Variants in TBC1D32 observed in about 807,000 individuals in gnomAD.
TBC1D32 encodes the protein TBC1 domain family member 32, also known as protein broad-minded.
Under a neutral mutation model 170.3 loss-of-function variants are expected in TBC1D32, and 151 were observed. That is an observed-to-expected ratio of 0.89 (90% CI 0.78 to 1.01). The LOEUF (loss-of-function observed/expected upper bound fraction) is 1.01. Ranked by LOEUF, TBC1D32 falls within the 50% of genes least tolerant of loss-of-function variation. The pLI is 0.00. For synonymous variants in TBC1D32, 498 were observed against 488.0 expected, an observed-to-expected ratio of 1.02 and a Z score of -0.27; for missense variants, 1,464 against 1,457.1, an observed-to-expected ratio of 1.00 and a Z score of -0.08.
At chr6:121,189,606 C>G (rs1789674204) in intron 22 of TBC1D32, among the ~76,000 whole-genome samples, 1 of 151,882 alleles carries the variant, frequency 6.6e-6, no homozygotes. Flanking sequence ...TCTAGAGCCC[C>G]AAGTAGTTTA....
intron 30 of TBC1D32, among the ~76,000 whole-genome samples, chr6:121,103,606 G>C (rs1193633087): frequency 2.1e-5 from 2 of 95,374 alleles, no homozygotes; most frequent in Non-Finnish European, 3.9e-5. Context: ...AGGGGGGAGG[G>C]ATAGCTTTAG....
chr6:121,323,710 C>T (rs929585015), intron 1 of TBC1D32, among the ~76,000 whole-genome samples: 6 of 152,164 alleles, frequency 3.9e-5, no homozygotes, highest in Non-Finnish European at 7.3e-5. Flanking sequence ...GGGAGGCCAA[C>T]GTGGGCGGAT....
chr6:121,213,524 T>TAAAATAAAATAAATA (rs371151560), intron 21 of TBC1D32, among the ~76,000 whole-genome samples: 45 of 31,186 alleles, frequency 1.4e-3, no homozygotes, highest in African/African-American at 3.8e-3. Flanking sequence ...TAAAATAAAA[T>TAAAATAAAATAAATA]AAATAAAATA....
At chr6:121,288,138 G>A (rs1482679826) in intron 12 of TBC1D32, among the ~76,000 whole-genome samples, 1 of 152,096 alleles carries the variant, frequency 6.6e-6, no homozygotes, top group African/African-American at 2.4e-5. Flanking sequence ...CAGAAGGCAA[G>A]AAATAACTAA....
intron 1 of TBC1D32, among the ~76,000 whole-genome samples, chr6:121,322,477 C>T (rs911046757): frequency 1.3e-5 from 2 of 152,154 alleles, no homozygotes; most frequent in African/African-American, 2.4e-5. Flanking sequence ...TACCACCACT[C>T]GTATAGATTG....
chr6:121,249,345 C>G (rs1447358133), intron 17 of TBC1D32, among the ~76,000 whole-genome samples: 1 of 151,754 alleles, frequency 6.6e-6, no homozygotes, highest in Non-Finnish European at 1.5e-5. Flanking sequence ...CAGAACAAAC[C>G]CACAGCCAAC....
intron 21 of TBC1D32, 100 bp from the exon 22 acceptor site, chr6:121,205,263 C>A: frequency 1.8e-6 from 1 of 559,238 alleles, no homozygotes; most frequent in Non-Finnish European, 3.1e-6. Flanking sequence ...TCAAATTTGC[C>A]TTTACAAGGA....
intron 29 of TBC1D32, among the ~76,000 whole-genome samples, chr6:121,111,830 G>A (rs1779236156): frequency 6.6e-6 from 1 of 152,004 alleles, no homozygotes; most frequent in South Asian, 2.1e-4. Flanking sequence ...TGACTGTCAT[G>A]TGATTTCACT....
chr6:121,280,100 A>G (rs1172369789), intron 14 of TBC1D32, among the ~76,000 whole-genome samples: 1 of 151,924 alleles, frequency 6.6e-6, no homozygotes, highest in African/African-American at 2.4e-5. Flanking sequence ...TTTAGCATGA[A>G]TAGCACTATT....
At chr6:121,308,307 T>C (rs985319449) in intron 4 of TBC1D32, among the ~76,000 whole-genome samples, 5 of 151,544 alleles carry the variant, frequency 3.3e-5, no homozygotes, top group African/African-American at 1.2e-4. Context: ...TTGCTGTTTG[T>C]GTAAAGCAAA....
intron 31 of TBC1D32, among the ~76,000 whole-genome samples, chr6:121,089,854 G>A (rs1392568277): frequency 6.6e-6 from 1 of 151,758 alleles, no homozygotes; most frequent in Non-Finnish European, 1.5e-5. Context: ...GATGAATGTT[G>A]TTTTTAGTGT....
intron 12 of TBC1D32, among the ~76,000 whole-genome samples, chr6:121,286,177 A>C (rs1803791455): frequency 2.0e-5 from 3 of 152,280 alleles, no homozygotes; most frequent in Non-Finnish European, 4.4e-5. Context: ...CCTTCAGAAG[A>C]TCAAACTACT....
At chr6:121,125,716 C>T (rs1450406444) in intron 26 of TBC1D32, among the ~76,000 whole-genome samples, 1 of 152,152 alleles carries the variant, frequency 6.6e-6, no homozygotes, top group East Asian at 1.9e-4. Context: ...AGAGCTGATA[C>T]TAGTACCCTA....
At chr6:121,148,353 C>T (rs1783751492) in intron 24 of TBC1D32, among the ~76,000 whole-genome samples, 1 of 152,080 alleles carries the variant, frequency 6.6e-6, no homozygotes, top group African/African-American at 2.4e-5. Context: ...CCATGGTGTA[C>T]ATATGCCACA....
At chr6:121,223,515 T>C (rs1474797568) in intron 20 of TBC1D32, among the ~76,000 whole-genome samples, 163 bp from the exon 21 acceptor site, 1 of 152,168 alleles carries the variant, frequency 6.6e-6, no homozygotes, top group Non-Finnish European at 1.5e-5. Context: ...TACAAAACAG[T>C]TAACATGCAC....
intron 25 of TBC1D32, among the ~76,000 whole-genome samples, chr6:121,130,320 A>G (rs765591999): frequency 6.6e-5 from 10 of 152,122 alleles, no homozygotes; most frequent in Non-Finnish European, 1.5e-4. Flanking sequence ...CGTCTCTACT[A>G]AAAATACAAA....
chr6:121,287,017 A>T (rs181929929), intron 12 of TBC1D32, among the ~76,000 whole-genome samples: 18 of 152,334 alleles, frequency 1.2e-4, no homozygotes, highest in African/African-American at 3.4e-4. Flanking sequence ...AAACATGGAA[A>T]GGAACAACCG....
intron 20 of TBC1D32, among the ~76,000 whole-genome samples, chr6:121,227,105 GA>G (rs776686675): frequency 3.9e-5 from 6 of 152,188 alleles, no homozygotes; most frequent in Non-Finnish European, 8.8e-5. Context: ...GAAAGGCTAT[GA>G]ATTTGTGCTG....
chr6:121,330,825 C>T (rs551942652), intron 1 of TBC1D32, among the ~76,000 whole-genome samples: 3 of 152,094 alleles, frequency 2.0e-5, no homozygotes, highest in South Asian at 2.1e-4. Flanking sequence ...AGCCAGTCTG[C>T]GTGTAAAAAT....
Sources: gnomAD v4.1 joint callset for allele counts (sites outside exome capture counted in the v4.1 genomes callset) on GRCh38, gnomAD v4.1.1 for gene constraint, MANE v1.5 for transcripts, NCBI Gene and HGNC (gene_info 2026-07-23, HGNC 2026-07-21) for gene names.